CHM: variants seen among roughly 807,000 people sequenced by gnomAD.
CHM encodes the protein CHM Rab escort protein.
A neutral mutation model predicts 49.0 loss-of-function variants in CHM; 10 were observed. The observed-to-expected ratio is 0.20, with a 90% CI of 0.13 to 0.35. The LOEUF is 0.35. Ranked by LOEUF, CHM falls within the 10% of genes least tolerant of loss-of-function variation. The probability of loss-of-function intolerance (pLI) is 1.00; values close to 1 mark genes in which losing one functional copy is unlikely to be tolerated. For synonymous variants in CHM, 184 were observed against 167.5 expected (o/e 1.10, Z -0.76); for missense variants, 455 against 478.4 (o/e 0.95, Z 0.46).
chrX:86,030,030 T>C (rs1398134717), intron 1 of CHM, among the ~76,000 whole-genome samples: 1 of 112,009 alleles, frequency 8.9e-6, no homozygotes, highest in Non-Finnish European at 1.9e-5. Flanking sequence ...GCTCCAATGG[T>C]GAACAATAAT....
At chrX:86,043,037 A>G (rs1934533836) in intron 1 of CHM, among the ~76,000 whole-genome samples, 2 of 111,719 alleles carry the variant, frequency 1.8e-5, no homozygotes, top group Non-Finnish European at 3.8e-5. Context: ...TCTGAAGTAT[A>G]TGAAACACTG....
chrX:85,956,354 T>A lies in CHM; in HGVS notation c.965A>T (p.Glu322Val). ...GGTTAATTTTTGAGTCTTTAAATAT[T>A]CATAAAATGTGATCTCTTCATATCC... ...YKGYEEITFY[E>V]YLKTQKLTPN... The change falls in exon 8 of 15, where the codon GAA (glutamate) becomes GTA (valine). Residue 322 changes from glutamate to valine, a missense_variant. Physicochemically the swap from Glu to Val is moderately radical, Grantham distance 121 (BLOSUM62 -2). Coordinates refer to ENST00000357749, the MANE Select transcript of CHM (RefSeq NM_000390.4). 1 of 1,210,240 alleles carries A rather than the reference T, an allele frequency of 8.3e-7. No individual in the cohort carries two copies. The highest frequency in any genetic ancestry group is 1.1e-6 in the Non-Finnish European group (1 of 894,512).
At chrX:85,899,592 T>C (rs1926113011) in intron 11 of CHM, among the ~76,000 whole-genome samples, 1 of 109,754 alleles carries the variant, frequency 9.1e-6, no homozygotes, top group Non-Finnish European at 1.9e-5. Flanking sequence ...ATTATTGCCA[T>C]CATGTATTTT....
Position 86,039,632 on chromosome X carries a change from C to T in CHM, c.49+7852G>A, listed in dbSNP as rs73630494. ...AAAAGGGCAGGTCCCTGAGAAAACC[C>T]CACCCTCAAGCCTGAAACCATGACG... On this transcript the variant is annotated intron_variant, in intron 1 of 14. Transcript: ENST00000357749. 6.8e-3 allele frequency among the ~76,000 whole-genome samples: 749 copies of T among 110,052 alleles called. 5 individuals are homozygous for T. Among genetic ancestry groups the T allele is most frequent in the African/African-American group, 0.022 (675 of 30,181 alleles).
chrX:86,033,411 T>C (rs1343998519), intron 1 of CHM, among the ~76,000 whole-genome samples: 6 of 112,443 alleles, frequency 5.3e-5, no homozygotes, highest in Non-Finnish European at 1.1e-4. Flanking sequence ...AGTCATTCCA[T>C]GTGTTATTTA....
chrX:85,980,750 T>C (rs1248861625), intron 3 of CHM, among the ~76,000 whole-genome samples: 2 of 111,604 alleles, frequency 1.8e-5, no homozygotes, highest in Non-Finnish European at 3.8e-5. Context: ...TTTTTAAATC[T>C]GTCTTATAAA....
At chrX:86,045,015 T>C (rs1934600065) in intron 1 of CHM, among the ~76,000 whole-genome samples, 1 of 112,268 alleles carries the variant, frequency 8.9e-6, no homozygotes, top group African/African-American at 3.2e-5. Context: ...AAAATGATAA[T>C]GCAAGTTAAT....
chrX:85,981,088 A>G (rs886207844), intron 3 of CHM, among the ~76,000 whole-genome samples: 2 of 107,951 alleles, frequency 1.9e-5, no homozygotes, highest in Non-Finnish European at 3.8e-5. Context: ...AAGGACTAGG[A>G]TATTTTTTCT....
At chrX:85,939,576 G>A (rs1180203158) in intron 8 of CHM, among the ~76,000 whole-genome samples, 1 of 112,324 alleles carries the variant, frequency 8.9e-6, no homozygotes, top group Admixed American at 9.4e-5. Context: ...GTAAAATGTA[G>A]GAAGACATGC....
At chrX:86,021,275 T>C (rs770311179) in intron 2 of CHM, among the ~76,000 whole-genome samples, 8 of 104,702 alleles carry the variant, frequency 7.6e-5, no homozygotes, top group Non-Finnish European at 1.4e-4. Flanking sequence ...TTAAGAGTAG[T>C]AGATGCTAAC....
At chrX:85,949,978 A>T (rs868752971) in intron 8 of CHM, among the ~76,000 whole-genome samples, 11 of 42,785 alleles carry the variant, frequency 2.6e-4, no homozygotes, top group East Asian at 2.3e-3. Flanking sequence ...ACTGAAATTA[A>T]ATATATATAT....
intron 3 of CHM, among the ~76,000 whole-genome samples, chrX:85,981,303 G>T (rs1444408472): frequency 1.0e-5 from 1 of 98,164 alleles, no homozygotes; most frequent in Non-Finnish European, 2.0e-5. Flanking sequence ...GTGCAGTCTC[G>T]GCTCACTGCA....
At chrX:85,959,066 T>C (rs925273854) in intron 5 of CHM, 89 bp from the exon 6 acceptor site, 7 of 1,049,516 alleles carry the variant, frequency 6.7e-6, no homozygotes, top group Non-Finnish European at 9.1e-6. Context: ...CTATATTTTT[T>C]ATTATTTGTA....
intron 8 of CHM, among the ~76,000 whole-genome samples, chrX:85,947,141 T>C (rs1929462422): frequency 8.9e-6 from 1 of 112,047 alleles, no homozygotes; most frequent in Non-Finnish European, 1.9e-5. Flanking sequence ...CTGGAATGAG[T>C]TAAGATTTTG....
intron 2 of CHM, among the ~76,000 whole-genome samples, chrX:86,004,070 C>A (rs1932801562): frequency 8.9e-6 from 1 of 111,875 alleles, no homozygotes; most frequent in Non-Finnish European, 1.9e-5. Context: ...TCTCTCGGCA[C>A]AAACCTTACA....
In CHM at chrX:85,964,036, C is replaced by A; in HGVS notation, c.331G>T (p.Asp111Tyr). The change falls in exon 5 of 15, where the codon GAT becomes TAT. Residue 111 changes from aspartate (D) to tyrosine (Y), a missense_variant. Asp to Tyr is a radical substitution (Grantham distance 160, BLOSUM62 -3). Coordinates refer to ENST00000357749, the MANE Select transcript of CHM (RefSeq NM_000390.4). ...TGCAGTGCACCAGCTTCTTCGACATCTTCATGCAAATCCTGACTAATAAGA... is the reference window on the plus strand; with the variant it reads ...TGCAGTGCACCAGCTTCTTCGACATATTCATGCAAATCCTGACTAATAAGA... ...FCYASQDLHE[D>Y]VEEAGALQKN... 2.5e-6 allele frequency: 3 copies of A among 1,208,424 alleles called. No homozygotes were observed. Among genetic ancestry groups the A allele is most frequent in the Non-Finnish European group, 3.4e-6 (3 of 893,435 alleles).
At chrX:85,997,693 C>G (rs1448564450) in intron 2 of CHM, among the ~76,000 whole-genome samples, 2 of 111,439 alleles carry the variant, frequency 1.8e-5, no homozygotes, top group East Asian at 5.7e-4. Flanking sequence ...CGGTGGCTCA[C>G]ACCTGTAATC....
At chrX:86,042,776 T>C (rs973561031) in intron 1 of CHM, among the ~76,000 whole-genome samples, 2 of 110,301 alleles carry the variant, frequency 1.8e-5, no homozygotes, top group African/African-American at 3.3e-5. Flanking sequence ...TGGGCCATGA[T>C]TGTGCCACTG....
At chrX:85,983,483 G>A (rs772635582) in intron 2 of CHM, among the ~76,000 whole-genome samples, 3 of 110,987 alleles carry the variant, frequency 2.7e-5, no homozygotes, top group Non-Finnish European at 5.7e-5. Context: ...CATCCCTTTT[G>A]CCTGAGAAGA....
Sources: allele counts gnomAD v4.1 joint callset (sites outside exome capture counted in the v4.1 genomes callset), GRCh38; gene constraint gnomAD v4.1.1; transcripts MANE v1.5; gene names NCBI Gene and HGNC (gene_info 2026-07-23, HGNC 2026-07-21).